TAF8: variants seen among roughly 807,000 people sequenced by gnomAD.
TAF8 encodes TATA-box binding protein associated factor 8.
Under a neutral mutation model 36.5 loss-of-function variants are expected in TAF8, and 47 were observed. That is an observed-to-expected ratio of 1.29 (90% confidence interval 1.02 to 1.64). TAF8 has a LOEUF of 1.64. TAF8 is among the 40% of genes most tolerant of loss of function. TAF8 has a pLI of 0.00. For missense variants in TAF8, 420 were observed against 407.6 expected (o/e 1.03, Z -0.26); for synonymous variants, 175 against 159.5 (o/e 1.10, Z -0.73).
intron 5 of TAF8, among the ~76,000 whole-genome samples, chr6:42,060,804 C>T (rs576505318): frequency 2.6e-5 from 4 of 152,292 alleles, no homozygotes; most frequent in South Asian, 2.1e-4. Context: ...ATTCTTATTG[C>T]ACTTATGCAA....
At position 42,079,371 on chromosome 6, in the gene TAF8, C is replaced by T. The variant is rs1765853200; in HGVS notation, c.*1826C>T. On this transcript the variant is annotated 3_prime_UTR_variant, in exon 9 of 9. Transcript: ENST00000372977. ...TTAACATACCCTACAAACCAGAAAA[C>T]AAGTTTTTAAGGAAGATGCTGGGCA... 1.0e-6 allele frequency: 1 copy of T among 985,262 alleles called. No homozygotes were observed. Among genetic ancestry groups the T allele is most frequent in the Non-Finnish European group, 1.2e-6 (1 of 829,928 alleles). 61.0% of individuals were successfully genotyped at this position (985,262 alleles called of 1,614,324 possible). A position where few individuals can be genotyped will look rare whatever the true frequency, so the allele number is the denominator to read the frequency against.
In TAF8 at chr6:42,078,063, G is replaced by A. The variant is rs1765814169; in HGVS notation, c.*518G>A. On this transcript the variant is annotated 3_prime_UTR_variant, in exon 9 of 9. Transcript: ENST00000372977. Reference sequence around the variant, plus strand: ...GAGCCACCACGCCCAGCTAATTTTTGTATTTTTAATAGAGATAAGGTTTCG... The same window carrying A: ...GAGCCACCACGCCCAGCTAATTTTTATATTTTTAATAGAGATAAGGTTTCG... 3.4e-6 allele frequency: 1 copy of A among 295,374 alleles called. No homozygotes were observed. Among genetic ancestry groups the A allele is most frequent in the African/African-American group, 2.3e-5 (1 of 43,828 alleles). The allele number at this position is 295,374 out of a possible 1,614,324, so 18.3% of individuals were successfully genotyped here. A position where few individuals can be genotyped will look rare whatever the true frequency, so the allele number is the denominator to read the frequency against.
Position 42,055,614 on chromosome 6 carries a change from A to G in TAF8, c.286A>G (p.Thr96Ala). The G allele has an allele frequency of 6.2e-7, 1 of 1,614,044 alleles. No individual in the cohort carries two copies. Among genetic ancestry groups the G allele is most frequent in the Non-Finnish European group, 8.5e-7 (1 of 1,179,894 alleles). The change falls in exon 3 of 9, where the codon ACA (threonine) becomes GCA (alanine). Residue 96 changes from threonine (T) to alanine (A), a missense_variant. Coordinates refer to ENST00000372977, the MANE Select transcript of TAF8 (RefSeq NM_138572.3). ...GCCCACACTGTCCGATATCGTGGTC[A>G]CACTTGTTGAGATGGGTGAGTATAC... ...TQPTLSDIVV[T>A]LVEMGFNVDT...
chr6:42,076,994 G>C lies in TAF8; in HGVS notation c.781-106G>C. 3 of 1,370,710 alleles carry C rather than the reference G, an allele frequency of 2.2e-6. No individual in the cohort carries two copies. The Admixed American group carries it at 6.9e-5, about 31-fold the overall frequency. The allele number at this position is 1,370,710 out of a possible 1,614,324, so 84.9% of individuals were successfully genotyped here. ...AATGTTGGAAAGAAGGTGCTTCCCA[G>C]GTTCTAATTTCTCAATTAGAGGATG... On this transcript the variant is annotated intron_variant, in intron 7 of 8. Coordinates refer to ENST00000372977, the MANE Select transcript of TAF8 (RefSeq NM_138572.3).
At chr6:42,065,980 A>G (rs1765348365) in intron 5 of TAF8, among the ~76,000 whole-genome samples, 1 of 152,068 alleles carries the variant, frequency 6.6e-6, no homozygotes, top group East Asian at 1.9e-4. Flanking sequence ...GGCTCACTGC[A>G]ACCTCCGCCT....
In TAF8 at chr6:42,079,342, A is replaced by C. The variant is rs986268292; in HGVS notation, c.*1797A>C. 6.1e-6 allele frequency: 6 copies of C among 985,324 alleles called. No individual in the cohort carries two copies. In the African/African-American group the frequency reaches 1.0e-4, roughly 17 times the overall value. 61.0% of individuals were successfully genotyped at this position (985,324 alleles called of 1,614,324 possible). A position where few individuals can be genotyped will look rare whatever the true frequency, so the allele number is the denominator to read the frequency against. Reference sequence around the variant, plus strand: ...TGTATCCTGTGGGGAGAACAACTTCATTCTTAACATACCCTACAAACCAGA... The same window carrying C: ...TGTATCCTGTGGGGAGAACAACTTCCTTCTTAACATACCCTACAAACCAGA... On this transcript the variant is annotated 3_prime_UTR_variant, in exon 9 of 9. Transcript: ENST00000372977.
At chr6:42,050,749 C>T (rs944662116) in intron 1 of TAF8, 163 bp downstream of exon 1, 1 of 1,020,584 alleles carries the variant, frequency 9.8e-7, no homozygotes, top group Non-Finnish European at 1.4e-6. Flanking sequence ...TGGGACTTGG[C>T]TGCGGCCTCC....
At position 42,057,454 on chromosome 6, in the gene TAF8, C is replaced by A; in HGVS notation, c.430C>A (p.Pro144Thr). 1 of 1,614,102 alleles carries A rather than the reference C, an allele frequency of 6.2e-7. No individual in the cohort carries two copies. Among genetic ancestry groups the A allele is most frequent in the African/African-American group, 1.3e-5 (1 of 75,006 alleles). Residue 144 changes from proline to threonine, a missense_variant, in exon 5 of 9, where the codon CCG becomes ACG. Coordinates refer to ENST00000372977, the MANE Select transcript of TAF8 (RefSeq NM_138572.3). ...TGCAGGGCAGAACCGACCCCACCCGCCGCACATCCCCAGCCATTTTCCTGA... is the reference window on the plus strand; with the variant it reads ...TGCAGGGCAGAACCGACCCCACCCGACGCACATCCCCAGCCATTTTCCTGA... ...LTAGQNRPHPPHIPSHFPEFP... is the reference protein window; with the variant it reads ...LTAGQNRPHPTHIPSHFPEFP...
intron 7 of TAF8, among the ~76,000 whole-genome samples, chr6:42,072,906 G>A (rs888053975): frequency 6.6e-6 from 1 of 151,874 alleles, no homozygotes. Context: ...TGTATTTTTA[G>A]TAGAGGCGGG....
intron 5 of TAF8, among the ~76,000 whole-genome samples, chr6:42,064,549 C>T (rs919467852): frequency 3.9e-5 from 6 of 152,090 alleles, no homozygotes; most frequent in Non-Finnish European, 7.4e-5. Flanking sequence ...GCCACCACAC[C>T]CAGCCTTTTG....
chr6:42,055,868 A>T (rs1161610937), intron 3 of TAF8, 84 bp from the exon 4 acceptor site: 1 of 977,552 alleles, frequency 1.0e-6, no homozygotes, highest in African/African-American at 1.6e-5. Flanking sequence ...TGAGAGTTTA[A>T]GCCATTTGTC....
chr6:42,078,826 CAGT>C lies in TAF8; in HGVS notation c.*1284_*1286del. 1.0e-6 allele frequency: 1 copy of C among 985,382 alleles called. No homozygotes were observed. Among genetic ancestry groups the C allele is most frequent in the Non-Finnish European group, 1.2e-6 (1 of 829,950 alleles). 61.0% of individuals were successfully genotyped at this position (985,382 alleles called of 1,614,324 possible). On this transcript the variant is annotated 3_prime_UTR_variant, in exon 9 of 9. Transcript: ENST00000372977. ...TGACAGAGGAGCCATGGGGTTTAAA[CAGT>C]AGGAAAGAGGGGCTACGCGCAGTGG...
downstream of TAF8, chr6:42,086,997 G>A (rs186951504): frequency 6.5e-5 from 38 of 580,894 alleles, no homozygotes; most frequent in East Asian, 3.4e-4. Flanking sequence ...GAGTTCTGCC[G>A]TGCCCTCTGA....
rs1050521943 is a variant in TAF8 at position 42,050,551 on chromosome 6, G to C, written c.10G>C (p.Ala4Pro). Residue 4 changes from alanine to proline, a missense_variant, in exon 1 of 9, where the codon GCG (alanine) becomes CCG (proline). Transcript: ENST00000372977. Reference protein sequence around the residue: MADAAATAGAGGSG... With the variant: MADPAATAGAGGSG... ...ACTACGCCAGAACAAGATGGCCGAC[G>C]CGGCGGCCACAGCTGGGGCCGGTGG... 5.3e-6 allele frequency: 8 copies of C among 1,512,080 alleles called. No individual in the cohort carries two copies. The highest frequency in any genetic ancestry group is 6.2e-6 in the Non-Finnish European group (7 of 1,123,358). 93.7% of individuals were successfully genotyped at this position (1,512,080 alleles called of 1,614,324 possible). A position where few individuals can be genotyped will look rare whatever the true frequency, so the allele number is the denominator to read the frequency against.
chr6:42,070,267 T>C (rs1765519304), intron 7 of TAF8, among the ~76,000 whole-genome samples: 1 of 152,000 alleles, frequency 6.6e-6, no homozygotes, highest in African/African-American at 2.4e-5. Flanking sequence ...GGTGGGCAGA[T>C]CACGAGGTCA....
intron 2 of TAF8, 170 bp downstream of exon 2, chr6:42,051,683 G>A (rs910325004): frequency 3.2e-6 from 2 of 634,006 alleles, no homozygotes; most frequent in Non-Finnish European, 5.0e-6. Context: ...ACAATGGGCC[G>A]AGCGTGGTGG....
intron 5 of TAF8, among the ~76,000 whole-genome samples, chr6:42,065,290 G>A (rs570600414): frequency 6.7e-6 from 1 of 149,566 alleles, no homozygotes; most frequent in South Asian, 2.1e-4. Context: ...AGGTTGCAGT[G>A]AGCTGAGATG....
chr6:42,059,210 C>T (rs1298885954), intron 5 of TAF8, among the ~76,000 whole-genome samples: 2 of 151,700 alleles, frequency 1.3e-5, no homozygotes, highest in Non-Finnish European at 2.9e-5. Context: ...GGTGAAACCC[C>T]GTCTTTACTA....
downstream of TAF8, among the ~76,000 whole-genome samples, chr6:42,084,512 G>T (rs1350594347): frequency 6.6e-6 from 1 of 152,144 alleles, no homozygotes; most frequent in Non-Finnish European, 1.5e-5. Flanking sequence ...CACCAGGCTG[G>T]AGGGCAGTGG....
Sources: allele counts gnomAD v4.1 joint callset (sites outside exome capture counted in the v4.1 genomes callset), GRCh38; gene constraint gnomAD v4.1.1; transcripts MANE v1.5; gene names NCBI Gene and HGNC (gene_info 2026-07-23, HGNC 2026-07-21).